GOLGA6L2: variants seen among roughly 807,000 people sequenced by gnomAD.
GOLGA6L2 encodes the protein golgin subfamily A member 6-like protein 2.
In GOLGA6L2, 30 loss-of-function variants were observed where a neutral mutation model predicts 35.9. That is an observed-to-expected ratio of 0.83 (90% CI 0.62 to 1.13). The LOEUF (loss-of-function observed/expected upper bound fraction) is 1.13, where lower values mean the gene tolerates loss of function less well. Ranked by LOEUF, GOLGA6L2 falls within the 50% of genes most tolerant of loss-of-function variation. The pLI is 0.00. For synonymous variants in GOLGA6L2, 297 were observed against 344.0 expected (o/e 0.86, Z 1.51); for missense variants, 821 against 973.4 (o/e 0.84, Z 2.08).
rs1453324314 is a variant in GOLGA6L2 at position 23,447,238 on chromosome 15, G to T, written c.-57C>A. 1.0e-6 allele frequency: 1 copy of T among 1,001,582 alleles called. No homozygotes were observed. The highest frequency in any genetic ancestry group is 1.6e-6 in the Non-Finnish European group (1 of 625,732). 62.0% of individuals were successfully genotyped at this position (1,001,582 alleles called of 1,614,324 possible). A position where few individuals can be genotyped will look rare whatever the true frequency, so the allele number is the denominator to read the frequency against. ...CTCCAGTCACGTACCACGCAGCTATGTGACTGAGCCAGAGGAGGTGTAACC... is the reference window on the plus strand; with the variant it reads ...CTCCAGTCACGTACCACGCAGCTATTTGACTGAGCCAGAGGAGGTGTAACC... On this transcript the variant is annotated 5_prime_UTR_variant, in exon 1 of 8. Transcript: ENST00000567107.
intron 1 of GOLGA6L2, among the ~76,000 whole-genome samples, chr15:23,445,756 G>A (rs771844731): frequency 7.9e-5 from 12 of 152,248 alleles, no homozygotes; most frequent in South Asian, 2.1e-4. Flanking sequence ...GTTTAGAGTC[G>A]TACATCCTCA....
At chr15:23,445,619 A>G (rs1886766469) in intron 1 of GOLGA6L2, among the ~76,000 whole-genome samples, 181 bp from the exon 2 acceptor site, 1 of 152,092 alleles carries the variant, frequency 6.6e-6, no homozygotes, top group African/African-American at 2.4e-5. Flanking sequence ...AAAGGCAATA[A>G]TGGAACTTAA....
At position 23,444,503 on chromosome 15, in the gene GOLGA6L2, G is replaced by C; in HGVS notation, c.214-3C>G. 6.3e-7 allele frequency: 1 copy of C among 1,599,530 alleles called. No homozygotes were observed. Among genetic ancestry groups the C allele is most frequent in the Non-Finnish European group, 8.5e-7 (1 of 1,179,672 alleles). ...AGCTGCGCTCGGTTCTGTTGTGTCT[G>C]TGGGGAGAGTCAAAGGAAGGTGACT... On this transcript the variant is annotated splice_polypyrimidine_tract_variant and splice_region_variant and intron_variant, in intron 2 of 7. Coordinates refer to ENST00000567107, the MANE Select transcript of GOLGA6L2 (RefSeq NM_001304388.2).
At position 23,442,354 on chromosome 15, in the gene GOLGA6L2, T is replaced by C. The variant is rs149448146; in HGVS notation, c.650+96A>G. ...CCCTGTGCACACATGTAAACCTGTA[T>C]GACCCCCTACCATGCTCACCTGTAC... On this transcript the variant is annotated intron_variant, in intron 6 of 7. Transcript: ENST00000567107. 7.4e-4 allele frequency: 1,014 copies of C among 1,369,470 alleles called. 4 individuals are homozygous for C. The African/African-American group carries it at 0.013, about 17-fold the overall frequency. 84.8% of individuals were successfully genotyped at this position (1,369,470 alleles called of 1,614,324 possible).
intron 1 of GOLGA6L2, among the ~76,000 whole-genome samples, chr15:23,445,730 A>G (rs1388291241): frequency 2.0e-5 from 3 of 152,184 alleles, no homozygotes; most frequent in Non-Finnish European, 4.4e-5. Context: ...GTAGACAGGA[A>G]AGTGTACACT....
At position 23,439,413 on chromosome 15, in the gene GOLGA6L2, G is replaced by A; in HGVS notation, c.*332C>T. 1 of 481,588 alleles carries A rather than the reference G, an allele frequency of 2.1e-6. No homozygotes were observed. Among genetic ancestry groups the A allele is most frequent in the South Asian group, 2.2e-5 (1 of 45,638 alleles). The allele number at this position is 481,588 out of a possible 1,614,324, so 29.8% of individuals were successfully genotyped here. ...AGGTTTCGGCCACAAGGCCTGGCTA[G>A]TATTTTACCACAATTTAAAGTAAAT... On this transcript the variant is annotated 3_prime_UTR_variant, in exon 8 of 8. Coordinates refer to ENST00000567107, the MANE Select transcript of GOLGA6L2 (RefSeq NM_001304388.2).
In GOLGA6L2 at chr15:23,444,151, C is replaced by T; in HGVS notation, c.294+11G>A. ...CAGAGGACAGGAGGGAACTTCACACCCTCCACTCACCTCTATCTCCCGCCT... is the reference window on the plus strand; with the variant it reads ...CAGAGGACAGGAGGGAACTTCACACTCTCCACTCACCTCTATCTCCCGCCT... On this transcript the variant is annotated intron_variant, in intron 4 of 7. Coordinates refer to ENST00000567107, the MANE Select transcript of GOLGA6L2 (RefSeq NM_001304388.2). 6.2e-7 allele frequency: 1 copy of T among 1,603,322 alleles called. No individual in the cohort carries two copies. The highest frequency in any genetic ancestry group is 2.2e-5 in the East Asian group (1 of 44,816).
chr15:23,444,317 G>A lies in GOLGA6L2; in HGVS notation c.244-105C>T, dbSNP rs111541638. 8.4e-3 allele frequency: 12,443 copies of A among 1,484,392 alleles called. 851 individuals are homozygous for A. In the African/African-American group the frequency reaches 0.15, roughly 18 times the overall value. The allele number at this position is 1,484,392 out of a possible 1,614,324, so 92.0% of individuals were successfully genotyped here. The stretch of plus-strand genomic sequence containing the variant: ...AATGCCCCAGGACAGGCGCACCCAT[G>A]GGACCAGGTTATCAGGGACCCTGTG... On this transcript the variant is annotated intron_variant, in intron 3 of 7. Transcript: ENST00000567107.
chr15:23,439,446 T>C lies in GOLGA6L2; in HGVS notation c.*299A>G. 2 of 632,632 alleles carry C rather than the reference T, an allele frequency of 3.2e-6. No individual in the cohort carries two copies. The highest frequency in any genetic ancestry group is 2.1e-5 in the South Asian group (1 of 48,266). The allele number at this position is 632,632 out of a possible 1,614,324, so 39.2% of individuals were successfully genotyped here. On this transcript the variant is annotated 3_prime_UTR_variant, in exon 8 of 8. Transcript: ENST00000567107. The stretch of plus-strand genomic sequence containing the variant: ...CCACAATTTAAAGTAAATTTTCTTT[T>C]CTTTTTTTTTTTTTTTTTCAAGTTT...
intron 5 of GOLGA6L2, 96 bp downstream of exon 5, chr15:23,443,680 TG>T: frequency 1.0e-6 from 1 of 992,810 alleles, no homozygotes; most frequent in Non-Finnish European, 1.5e-6. Context: ...TACTATCTTC[TG>T]GGCAGGACAC....
rs201482457 is a variant in GOLGA6L2 at position 23,439,871 on chromosome 15, C to G, written c.2604G>C (p.Gly868=). ...CTCCTTCTCTCGCATCTCCTCCTGC[C>G]CCCACATCTTCTCCTCCTGCCCCCA... ...EDVGAGGEDV[G]AGGDAREGGE... Residue 868 remains glycine (G), a synonymous_variant, in exon 8 of 8, where the codon GGG becomes GGC. Coordinates refer to ENST00000567107, the MANE Select transcript of GOLGA6L2 (RefSeq NM_001304388.2). 2.6e-5 allele frequency: 38 copies of G among 1,468,278 alleles called. 1 individual carries two copies. The South Asian group carries it at 4.9e-4, about 19-fold the overall frequency. The allele number at this position is 1,468,278 out of a possible 1,614,324, so 91.0% of individuals were successfully genotyped here. A position where few individuals can be genotyped will look rare whatever the true frequency, so the allele number is the denominator to read the frequency against.
chr15:23,443,379 C>T (rs931748546), intron 5 of GOLGA6L2, among the ~76,000 whole-genome samples: 11 of 8,646 alleles, frequency 1.3e-3, no homozygotes, highest in Admixed American at 7.7e-3. Context: ...ATAATACGTA[C>T]ACACACACAC....
At chr15:23,446,430 A>T (rs750584384) in intron 1 of GOLGA6L2, among the ~76,000 whole-genome samples, 10 of 152,202 alleles carry the variant, frequency 6.6e-5, no homozygotes, top group Non-Finnish European at 1.2e-4. Flanking sequence ...ATGCAACCAG[A>T]GGAAGCAGAA....
chr15:23,446,983 G>C, intron 1 of GOLGA6L2, 115 bp downstream of exon 1: 1 of 597,968 alleles, frequency 1.7e-6, no homozygotes, highest in Admixed American at 2.8e-5. Flanking sequence ...GCGGCACTGG[G>C]GGGGACCCAG....
chr15:23,444,728 A>C (rs998883927), intron 2 of GOLGA6L2, among the ~76,000 whole-genome samples: 1 of 152,162 alleles, frequency 6.6e-6, no homozygotes, highest in African/African-American at 2.4e-5. Context: ...TTATCTCAAA[A>C]AGACAGTAAC....
intron 7 of GOLGA6L2, 89 bp from the exon 8 acceptor site, chr15:23,441,771 T>A (rs1566738198): frequency 7.2e-7 from 1 of 1,395,516 alleles, no homozygotes; most frequent in Non-Finnish European, 9.4e-7. Flanking sequence ...AAAAAATTTT[T>A]AAGCCTTAAC....
chr15:23,444,478 A>G lies in GOLGA6L2; in HGVS notation c.236T>C (p.Leu79Pro). ...PEDTQQNRAQ[L>P]KEEKKASHQH... Reference sequence around the variant, plus strand: ...GCAAACAAATCACGTTACTTCTTTCAGCTGCGCTCGGTTCTGTTGTGTCTG... The same window carrying G: ...GCAAACAAATCACGTTACTTCTTTCGGCTGCGCTCGGTTCTGTTGTGTCTG... The change falls in exon 3 of 8, where the codon CTG (leucine) becomes CCG (proline). Residue 79 changes from leucine (L) to proline (P), a missense_variant. This residue lies in a region of GOLGA6L2 where 614 missense variants were observed against 632.3 expected (regional missense o/e 0.97). Coordinates refer to ENST00000567107, the MANE Select transcript of GOLGA6L2 (RefSeq NM_001304388.2). 1 of 1,600,232 alleles carries G rather than the reference A, an allele frequency of 6.2e-7. No homozygotes were observed. The highest frequency in any genetic ancestry group is 8.5e-7 in the Non-Finnish European group (1 of 1,179,824).
At chr15:23,442,156 A>G in intron 6 of GOLGA6L2, 36 bp from the exon 7 acceptor site, 1 of 1,567,062 alleles carries the variant, frequency 6.4e-7, no homozygotes, top group Non-Finnish European at 8.6e-7. Flanking sequence ...GAATGAACGA[A>G]GAACAGAAAG....
At chr15:23,441,804 C>T (rs371852234) in intron 7 of GOLGA6L2, 122 bp from the exon 8 acceptor site, 1 of 1,357,686 alleles carries the variant, frequency 7.4e-7, no homozygotes, top group South Asian at 1.6e-5. Context: ...ATTTCCCAGG[C>T]AGGGCCCCAA....
Sources: allele counts gnomAD v4.1 joint callset (sites outside exome capture counted in the v4.1 genomes callset), GRCh38; gene constraint gnomAD v4.1.1; regional missense constraint gnomAD v4.1.1; transcripts MANE v1.5; gene names NCBI Gene and HGNC (gene_info 2026-07-23, HGNC 2026-07-21).